The following ADH5 variants were observed in gnomAD, a reference collection of about 807,000 sequenced individuals.
ADH5 encodes alcohol dehydrogenase class-3.
ADH5 carries 32 observed loss-of-function variants against 40.3 expected under a neutral mutation model. The observed-to-expected ratio is 0.79, with a 90% CI of 0.60 to 1.07. ADH5 has a LOEUF of 1.07. Ranked by LOEUF, ADH5 falls within the 50% of genes least tolerant of loss-of-function variation. The pLI, the probability that ADH5 is intolerant of heterozygous loss-of-function variation, is 0.00. For missense variants in ADH5, 353 were observed against 460.5 expected (o/e 0.77, Z 2.14); for synonymous variants, 125 against 154.3 (o/e 0.81, Z 1.41).
chr4:99,076,852 T>C lies in ADH5; in HGVS notation c.416A>G (p.His139Arg), dbSNP rs891490911. Residue 139 changes from histidine (H) to arginine (R), a missense_variant, in exon 5 of 9, where the codon CAT (histidine) becomes CGT (arginine). His to Arg is a conservative substitution (Grantham distance 29, BLOSUM62 0). Transcript: ENST00000296412. ...RFTCKGKTIL[H>R]YMGTSTFSEY... is the part of the protein sequence containing the mutation. ...AGAAAATGTGCTGGTTCCCATGTAA[T>C]GCAAAATTGTCTTTCCTTTGCAAGT... The C allele has an allele frequency of 1.9e-6, 3 of 1,613,846 alleles. No individual in the cohort carries two copies. The highest frequency in any genetic ancestry group is 3.3e-5 in the Admixed American group (2 of 60,000).
intron 1 of ADH5, among the ~76,000 whole-genome samples, chr4:99,086,171 GTTTA>G (rs1728130496): frequency 1.3e-5 from 2 of 152,048 alleles, no homozygotes; most frequent in Admixed American, 6.6e-5. Flanking sequence ...TGAAATGGTA[GTTTA>G]TTTATAACAA....
intron 1 of ADH5, 36 bp from the exon 2 acceptor site, chr4:99,085,252 C>T: frequency 8.6e-7 from 1 of 1,158,042 alleles, no homozygotes; most frequent in Non-Finnish European, 1.2e-6. Context: ...GCTGTTTATC[C>T]TCCTAAACAA....
chr4:99,083,896 G>T (rs1238553962), intron 2 of ADH5, among the ~76,000 whole-genome samples: 1 of 152,136 alleles, frequency 6.6e-6, no homozygotes, highest in Non-Finnish European at 1.5e-5. Context: ...CTCTCCAGCT[G>T]GCTACCTTGT....
In ADH5 at chr4:99,072,721, A is replaced by G. The variant is rs756087470; in HGVS notation, c.962-10T>C. ...TCTACACTCTTCCATCCTAAAAGAAATCACACATTAATTTATTCAACAAAT... is the reference window on the plus strand; with the variant it reads ...TCTACACTCTTCCATCCTAAAAGAAGTCACACATTAATTTATTCAACAAAT... On this transcript the variant is annotated splice_polypyrimidine_tract_variant and intron_variant, in intron 7 of 8. Transcript: ENST00000296412. 2 of 1,598,620 alleles carry G rather than the reference A, an allele frequency of 1.3e-6. No individual in the cohort carries two copies. Among genetic ancestry groups the G allele is most frequent in the African/African-American group, 2.7e-5 (2 of 73,944 alleles).
chr4:99,076,877 T>C lies in ADH5; in HGVS notation c.391A>G (p.Thr131Ala), dbSNP rs777702160. 229 of 1,613,646 alleles carry C rather than the reference T, an allele frequency of 1.4e-4. 1 individual carries two copies. In the South Asian group the frequency reaches 1.6e-3, roughly 11 times the overall value. Residue 131 changes from threonine to alanine, a missense_variant, in exon 5 of 9, where the codon ACT (threonine) becomes GCT (alanine). Thr to Ala is a moderately conservative substitution (Grantham distance 58). Coordinates refer to ENST00000296412, the MANE Select transcript of ADH5 (RefSeq NM_000671.4). ...TGCAAAATTGTCTTTCCTTTGCAAG[T>C]AAATCTGCTGGTACCATCTGGCATT... is the stretch of plus-strand genomic sequence containing the variant. ...GLMPDGTSRF[T>A]CKGKTILHYM...
intron 4 of ADH5, among the ~76,000 whole-genome samples, chr4:99,078,300 C>T (rs1376125235): frequency 6.6e-6 from 1 of 152,134 alleles, no homozygotes; most frequent in East Asian, 1.9e-4. Flanking sequence ...AATAAATATA[C>T]AGATGAAGAG....
intron 4 of ADH5, among the ~76,000 whole-genome samples, chr4:99,078,239 T>C (rs183529917): frequency 1.3e-3 from 201 of 152,270 alleles, no homozygotes; most frequent in African/African-American, 4.5e-3. Context: ...TTGCCCAGGC[T>C]GAACACTATA....
rs909946053 is a variant in ADH5 at position 99,076,298 on chromosome 4, C to T, written c.819G>A (p.Lys273=). Residue 273 remains lysine (K), a synonymous_variant, in exon 6 of 9, where the codon AAG becomes AAA. Coordinates refer to ENST00000296412, the MANE Select transcript of ADH5 (RefSeq NM_000671.4). The part of the protein sequence containing the change: ...DYSFECIGNV[K]VMRAALEACH... ...GAATGAAGCCCATACTCACCATGAC[C>T]TTCACATTACCAATACATTCAAAGG... is the stretch of plus-strand genomic sequence containing the variant. 2 of 1,613,876 alleles carry T rather than the reference C, an allele frequency of 1.2e-6. No homozygotes were observed. Among genetic ancestry groups the T allele is most frequent in the African/African-American group, 2.7e-5 (2 of 74,912 alleles).
At position 99,072,801 on chromosome 4, in the gene ADH5, T is replaced by A. The variant is rs902202850; in HGVS notation, c.962-90A>T. 14 of 1,255,518 alleles carry A rather than the reference T, an allele frequency of 1.1e-5. No homozygotes were observed. In the South Asian group the frequency reaches 1.8e-4, roughly 16 times the overall value. The allele number at this position is 1,255,518 out of a possible 1,614,324, so 77.8% of individuals were successfully genotyped here. A position where few individuals can be genotyped will look rare whatever the true frequency, so the allele number is the denominator to read the frequency against. Reference sequence around the variant, plus strand: ...GACAAAAGGCATTTAAAAGAATGAATTTTTTGATGAGTTAAAGAGTAATGA... The same window carrying A: ...GACAAAAGGCATTTAAAAGAATGAAATTTTTGATGAGTTAAAGAGTAATGA... On this transcript the variant is annotated intron_variant, in intron 7 of 8. Transcript: ENST00000296412.
intron 7 of ADH5, among the ~76,000 whole-genome samples, chr4:99,074,245 T>C (rs1365250558): frequency 6.6e-6 from 1 of 152,120 alleles, no homozygotes; most frequent in African/African-American, 2.4e-5. Context: ...AACTTTAGAC[T>C]CATTCATTCA....
At chr4:99,088,628 C>A in intron 1 of ADH5, 61 bp downstream of exon 1, 1 of 1,554,108 alleles carries the variant, frequency 6.4e-7, no homozygotes, top group African/African-American at 1.4e-5. Context: ...GGATAGCAGC[C>A]TAGTCCCATG....
intron 4 of ADH5, chr4:99,080,003 G>T: frequency 2.2e-6 from 1 of 455,484 alleles, no homozygotes; most frequent in Non-Finnish European, 4.4e-6. Context: ...TGTAAGAAAA[G>T]TCAGTATATT....
chr4:99,088,392 C>T (rs1342399002), intron 1 of ADH5, among the ~76,000 whole-genome samples: 1 of 152,186 alleles, frequency 6.6e-6, no homozygotes, highest in African/African-American at 2.4e-5. Context: ...TAAGCCATTT[C>T]CACTGGGATA....
intron 1 of ADH5, among the ~76,000 whole-genome samples, chr4:99,086,580 G>A (rs1200764872): frequency 1.3e-5 from 2 of 152,162 alleles, no homozygotes; most frequent in African/African-American, 4.8e-5. Flanking sequence ...TGAAGGATGA[G>A]GAAAAGGTAA....
At chr4:99,081,520 C>G in intron 3 of ADH5, 68 bp from the exon 4 acceptor site, 1 of 1,153,194 alleles carries the variant, frequency 8.7e-7, no homozygotes, top group Non-Finnish European at 1.3e-6. Flanking sequence ...TCAGCCCTTG[C>G]AAATTCCTGT....
chr4:99,086,511 A>C (rs536932883), intron 1 of ADH5, among the ~76,000 whole-genome samples: 1 of 152,246 alleles, frequency 6.6e-6, no homozygotes, highest in Non-Finnish European at 1.5e-5. Flanking sequence ...AAGCAAAAAA[A>C]GTAGGTTAAG....
At position 99,072,635 on chromosome 4, in the gene ADH5, C is replaced by A. The variant is rs760168218; in HGVS notation, c.1038G>T (p.Val346=). 9.3e-6 allele frequency: 15 copies of A among 1,613,578 alleles called. No homozygotes were observed. The highest frequency in any genetic ancestry group is 3.3e-5 in the Admixed American group (2 of 59,972). ...MSKKIKVDEF[V]THNLSFDEIN... ...TTTCATCAAAAGACAGATTGTGAGT[C>A]ACAAATTCATCAACTTTTATCTTTT... Residue 346 remains valine, a synonymous_variant, in exon 8 of 9, where the codon GTG becomes GTT. Transcript: ENST00000296412.
At chr4:99,074,544 G>A (rs1727886996) in intron 7 of ADH5, among the ~76,000 whole-genome samples, 1 of 152,142 alleles carries the variant, frequency 6.6e-6, no homozygotes, top group African/African-American at 2.4e-5. Context: ...AATGTAACAA[G>A]CTACTTGGGT....
intron 4 of ADH5, among the ~76,000 whole-genome samples, chr4:99,077,687 A>T (rs1727954899): frequency 6.6e-6 from 1 of 152,194 alleles, no homozygotes; most frequent in Non-Finnish European, 1.5e-5. Context: ...GTCCTCAATA[A>T]TGCAAGTTAA....
Sources: gnomAD v4.1 joint callset for allele counts (sites outside exome capture counted in the v4.1 genomes callset) on GRCh38, gnomAD v4.1.1 for gene constraint, MANE v1.5 for transcripts, NCBI Gene and HGNC (gene_info 2026-07-23, HGNC 2026-07-21) for gene names.